UBE3D: variants seen among roughly 807,000 people sequenced by gnomAD.
The protein encoded by UBE3D is ubiquitin protein ligase E3D.
A neutral mutation model predicts 49.6 loss-of-function variants in UBE3D; 48 were observed. That is an observed-to-expected ratio of 0.97 (90% CI 0.77 to 1.23). The LOEUF is 1.23. Ranked by LOEUF, UBE3D falls within the 50% of genes most tolerant of loss-of-function variation. The pLI is 0.00. For missense variants in UBE3D, 452 were observed against 468.4 expected (o/e 0.96, Z 0.32); for synonymous variants, 189 against 174.2 (o/e 1.08, Z -0.67).
chr6:82,898,895 AATT>A (rs1434942851), intron 9 of UBE3D, among the ~76,000 whole-genome samples: 4 of 152,038 alleles, frequency 2.6e-5, no homozygotes, highest in African/African-American at 9.7e-5. Flanking sequence ...TTCAATCGTT[AATT>A]ATCTCCTATG....
the UBE3D span, among the ~76,000 whole-genome samples, chr6:82,885,311 G>A: frequency 6.6e-6 from 1 of 152,038 alleles, no homozygotes. Context: ...GGTTTTTCTA[G>A]TGCATCACTT....
chr6:83,030,841 T>C (rs914964511), intron 5 of UBE3D, among the ~76,000 whole-genome samples: 14 of 152,040 alleles, frequency 9.2e-5, no homozygotes, highest in African/African-American at 3.4e-4. Flanking sequence ...GAAAATAAAG[T>C]CCAGGGTGAG....
chr6:83,021,725 C>T (rs1442832605), intron 7 of UBE3D, among the ~76,000 whole-genome samples: 2 of 151,492 alleles, frequency 1.3e-5, no homozygotes, highest in African/African-American at 2.4e-5. Context: ...AAAAATTAGC[C>T]GGGCGTGGTG....
At chr6:83,014,805 G>C in intron 8 of UBE3D, among the ~76,000 whole-genome samples, 1 of 152,168 alleles carries the variant, frequency 6.6e-6, no homozygotes, top group East Asian at 1.9e-4. Context: ...TTCATTCAAG[G>C]GGTTCTGGGT....
intron 3 of UBE3D, among the ~76,000 whole-genome samples, chr6:83,051,961 A>G (rs1476925629): frequency 6.6e-6 from 1 of 152,210 alleles, no homozygotes; most frequent in African/African-American, 2.4e-5. Flanking sequence ...ATTCAATTCA[A>G]CCCAGCAAAA....
chr6:82,953,874 C>A (rs1407831486), intron 9 of UBE3D, among the ~76,000 whole-genome samples: 1 of 152,178 alleles, frequency 6.6e-6, no homozygotes, highest in South Asian at 2.1e-4. Context: ...CAGGTTGGGC[C>A]TCTCCTCAGA....
chr6:83,046,980 A>AGAT (rs1783101980), intron 3 of UBE3D, among the ~76,000 whole-genome samples: 1 of 152,232 alleles, frequency 6.6e-6, no homozygotes, highest in Admixed American at 6.5e-5. Context: ...ATATGAAGGT[A>AGAT]GATGCCATAT....
At chr6:82,887,298 C>A in the UBE3D span, among the ~76,000 whole-genome samples, 1 of 131,218 alleles carries the variant, frequency 7.6e-6, no homozygotes, top group East Asian at 2.2e-4. Flanking sequence ...GCACTCCAGA[C>A]GGCCACAGAG....
chr6:82,951,066 G>T (rs758206495), intron 9 of UBE3D, among the ~76,000 whole-genome samples: 1 of 151,794 alleles, frequency 6.6e-6, no homozygotes, highest in Non-Finnish European at 1.5e-5. Context: ...ATAGTAAAGA[G>T]TAATTTAATT....
intron 9 of UBE3D, among the ~76,000 whole-genome samples, chr6:82,955,980 T>C (rs1008250270): frequency 3.3e-5 from 5 of 152,226 alleles, no homozygotes; most frequent in Non-Finnish European, 5.9e-5. Flanking sequence ...CTGTACTCTA[T>C]GAGTGCCTGA....
chr6:82,925,663 G>T (rs1773695288), intron 9 of UBE3D, among the ~76,000 whole-genome samples: 1 of 152,020 alleles, frequency 6.6e-6, no homozygotes, highest in Admixed American at 6.6e-5. Flanking sequence ...TCTGTTCTTG[G>T]CTGCATGCTT....
chr6:82,882,884 C>G, the UBE3D span, among the ~76,000 whole-genome samples: 4 of 152,084 alleles, frequency 2.6e-5, no homozygotes, highest in African/African-American at 7.2e-5. Flanking sequence ...CCCAATAAAT[C>G]AAAGCTTCAA....
intron 8 of UBE3D, chr6:83,017,655 C>T (rs1451137842): frequency 6.6e-6 from 1 of 152,066 alleles, no homozygotes; most frequent in African/African-American, 2.4e-5. Flanking sequence ...TTTATAAAAA[C>T]TTCAGGTGGG....
At chr6:83,039,857 G>A (rs1782531629) in intron 4 of UBE3D, among the ~76,000 whole-genome samples, 1 of 152,040 alleles carries the variant, frequency 6.6e-6, no homozygotes, top group Non-Finnish European at 1.5e-5. Context: ...GGCCAGGCTG[G>A]TCTTGAACTC....
At chr6:82,980,524 T>A (rs1170897562) in intron 8 of UBE3D, among the ~76,000 whole-genome samples, 1 of 152,058 alleles carries the variant, frequency 6.6e-6, no homozygotes, top group African/African-American at 2.4e-5. Flanking sequence ...CCCTTCTTCA[T>A]GTTATCTGTT....
At chr6:82,957,171 C>G in intron 9 of UBE3D, 141 bp downstream of exon 9, 1 of 831,928 alleles carries the variant, frequency 1.2e-6, no homozygotes, top group Admixed American at 3.0e-5. Flanking sequence ...AACAGATAGA[C>G]AAAGCAATAC....
At chr6:83,049,910 A>C in intron 3 of UBE3D, 1 of 403,790 alleles carries the variant, frequency 2.5e-6, no homozygotes, top group East Asian at 7.7e-5. Flanking sequence ...CAACAAAATA[A>C]ATTTTATTAT....
chr6:82,957,198 A>T, intron 9 of UBE3D, 114 bp downstream of exon 9: 4 of 1,091,154 alleles, frequency 3.7e-6, no homozygotes, highest in Non-Finnish European at 5.3e-6. Flanking sequence ...TATGCTTGTT[A>T]TGATTTGAAA....
At chr6:82,976,451 T>C (rs1414588868) in intron 8 of UBE3D, among the ~76,000 whole-genome samples, 2 of 152,160 alleles carry the variant, frequency 1.3e-5, no homozygotes, top group Non-Finnish European at 2.9e-5. Flanking sequence ...ACATACAATT[T>C]TCCCTCCATT....
Sources: gnomAD v4.1 joint callset for allele counts (sites outside exome capture counted in the v4.1 genomes callset) on GRCh38, gnomAD v4.1.1 for gene constraint, MANE v1.5 for transcripts, NCBI Gene and HGNC (gene_info 2026-07-23, HGNC 2026-07-21) for gene names.